Variants in ZNF20 observed in about 807,000 individuals in gnomAD.
The protein encoded by ZNF20 is zinc finger protein KOX13.
A neutral mutation model predicts 11.0 loss-of-function variants in ZNF20; 9 were observed. The ratio of observed to expected loss-of-function variants is 0.82; its 90% CI spans 0.49 to 1.43. The LOEUF is 1.43. Among genes scored for constraint, ZNF20 ranks in the 40% most tolerant of loss-of-function variants. The probability of loss-of-function intolerance (pLI) is 0.00; values close to 1 mark genes in which losing one functional copy is unlikely to be tolerated. For synonymous variants in ZNF20, 182 were observed against 213.0 expected (o/e 0.85, Z 1.27); for missense variants, 528 against 640.8 (o/e 0.82, Z 1.90).
Position 12,133,241 on chromosome 19 carries a change from CT to C in ZNF20, c.944del (p.Gln315ArgfsTer223). ...HTGEKPYECKQCGKAFRCGSH... is the reference protein window; with the variant it reads ...HTGEKPYECKXCGKAFRCGSH... ...AGCCACATCTAAAGGCTTTCCCACA[CT>C]GCTTACATTCATAGGGTTTCTCTCC... On this transcript the variant is annotated frameshift_variant, in exon 4 of 4. Transcript: ENST00000334213. LOFTEE classifies it low-confidence loss of function (END_TRUNC). 6.2e-7 allele frequency: 1 copy of C among 1,612,678 alleles called. No individual in the cohort carries two copies. Among genetic ancestry groups the C allele is most frequent in the Non-Finnish European group, 8.5e-7 (1 of 1,179,550 alleles).
rs1242567821 is a variant in ZNF20, at chr19:12,135,506, T to A, written c.194A>T (p.Asn65Ile). 6.2e-7 allele frequency: 1 copy of A among 1,613,524 alleles called. No homozygotes were observed. Among genetic ancestry groups the A allele is most frequent in the African/African-American group, 1.3e-5 (1 of 74,900 alleles). The change falls in exon 3 of 4, where the codon AAT becomes ATT. Residue 65 changes from asparagine (N) to isoleucine (I), a missense_variant. By Grantham distance (149) the Asn-to-Ile change is moderately radical. Transcript: ENST00000334213. ...IEDEYKNPRRNLSLMREKLCE... is the reference protein window; with the variant it reads ...IEDEYKNPRRILSLMREKLCE... ...TCTTGCGAGAGAAAATTACCTTAGA[T>A]TTCTCCTGGGATTTTTGTACTCATC... is the stretch of plus-strand genomic sequence containing the variant.
rs987449838 is a variant in ZNF20, at chr19:12,132,881, G to C, written c.1305C>G (p.Phe435Leu). ...CKQCGKAFRY[F>L]SSLHIHERTH... is the part of the protein sequence containing the mutation. The stretch of plus-strand genomic sequence containing the variant: ...TCCTTTCATGTATATGCAAGGAAGA[G>C]AAATACCTGAATGCTTTTCCACATT... The change falls in exon 4 of 4, where the codon TTC becomes TTG. Residue 435 changes from phenylalanine (F) to leucine (L), a missense_variant. Coordinates refer to ENST00000334213, the MANE Select transcript of ZNF20 (RefSeq NM_021143.4). 3 of 1,613,944 alleles carry C rather than the reference G, an allele frequency of 1.9e-6. No homozygotes were observed.
At chr19:12,138,812 TC>T (rs2145602593) in intron 1 of ZNF20, among the ~76,000 whole-genome samples, 1 of 151,642 alleles carries the variant, frequency 6.6e-6, no homozygotes, top group Non-Finnish European at 1.5e-5. Flanking sequence ...AGAGCGAAAC[TC>T]CGTCTCAAAA....
chr19:12,132,887 C>T lies in ZNF20; in HGVS notation c.1299G>A (p.Arg433=), dbSNP rs758947882. Residue 433 remains arginine, a synonymous_variant, in exon 4 of 4, where the codon AGG becomes AGA. Transcript: ENST00000334213. The part of the protein sequence containing the change: ...HECKQCGKAF[R]YFSSLHIHER... ...CATGTATATGCAAGGAAGAGAAATA[C>T]CTGAATGCTTTTCCACATTGCTTAC... 1.2e-6 allele frequency: 2 copies of T among 1,613,806 alleles called. No homozygotes were observed. The highest frequency in any genetic ancestry group is 1.1e-5 in the South Asian group (1 of 91,060).
chr19:12,133,309 TGAA>T lies in ZNF20; in HGVS notation c.874_876del (p.Phe292del), dbSNP rs1449137876. ...TGATACTGAATGGAACTGAAAGAAATGAAGACTTTCCCACATTGCTTACACTCA... is the reference window on the plus strand; with the variant it reads ...TGATACTGAATGGAACTGAAAGAAATGACTTTCCCACATTGCTTACACTCA... On this transcript the variant is annotated inframe_deletion, in exon 4 of 4. Transcript: ENST00000334213. 6.2e-7 allele frequency: 1 copy of T among 1,614,096 alleles called. No homozygotes were observed. Among genetic ancestry groups the T allele is most frequent in the Non-Finnish European group, 8.5e-7 (1 of 1,180,042 alleles).
chr19:12,135,082 T>G, intron 3 of ZNF20, among the ~76,000 whole-genome samples: 1 of 152,156 alleles, frequency 6.6e-6, no homozygotes, highest in Non-Finnish European at 1.5e-5. Flanking sequence ...GAAAACTTTC[T>G]ATGAATACAT....
At position 12,132,792 on chromosome 19, in the gene ZNF20, G is replaced by A. The variant is rs746073159; in HGVS notation, c.1394C>T (p.Ser465Phe). ...VCGKAFTCSS[S>F]IRYHERTHTG... is the part of the protein sequence containing the mutation. ...GTGAGTCCTTTCATGATATCGAATG[G>A]AACTGGAACAAGTGAAGGCTTTGCC... The change falls in exon 4 of 4, where the codon TCC becomes TTC. Residue 465 changes from serine (S) to phenylalanine (F), a missense_variant. Transcript: ENST00000334213. 2 of 1,612,578 alleles carry A rather than the reference G, an allele frequency of 1.2e-6. No homozygotes were observed. Among genetic ancestry groups the A allele is most frequent in the Admixed American group, 3.3e-5 (2 of 59,842 alleles).
intron 3 of ZNF20, among the ~76,000 whole-genome samples, 183 bp downstream of exon 3, chr19:12,135,317 T>G (rs1296260199): frequency 1.3e-5 from 2 of 152,134 alleles, no homozygotes; most frequent in East Asian, 1.9e-4. Context: ...TTTTTTTGTA[T>G]TTTTAGTAGA....
Position 12,133,462 on chromosome 19 carries a change from G to T in ZNF20, c.724C>A (p.Leu242Ile). Residue 242 changes from leucine (L) to isoleucine (I), a missense_variant, in exon 4 of 4, where the codon CTT (leucine) becomes ATT (isoleucine). By Grantham distance (5) the Leu-to-Ile change is conservative. Coordinates refer to ENST00000334213, the MANE Select transcript of ZNF20 (RefSeq NM_021143.4). ...GTGTGAGTTCTTTCATGTACTGGAAGGGTAGTGGAACGAGTAAAGGCCTTA... is the reference window on the plus strand; with the variant it reads ...GTGTGAGTTCTTTCATGTACTGGAATGGTAGTGGAACGAGTAAAGGCCTTA... Reference protein sequence around the residue: ...CGKAFTRSTTLPVHERTHTGV... With the variant: ...CGKAFTRSTTIPVHERTHTGV... 6.2e-7 allele frequency: 1 copy of T among 1,614,150 alleles called. No individual in the cohort carries two copies. The highest frequency in any genetic ancestry group is 1.3e-5 in the African/African-American group (1 of 75,060).
chr19:12,136,520 A>T (rs1435012309), intron 1 of ZNF20, among the ~76,000 whole-genome samples: 3 of 141,892 alleles, frequency 2.1e-5, no homozygotes, highest in East Asian at 2.0e-4. Context: ...TGTCTCTATT[A>T]AAAAAAAAAA....
intron 3 of ZNF20, 92 bp downstream of exon 3, chr19:12,135,408 G>A: frequency 7.5e-7 from 1 of 1,341,222 alleles, no homozygotes; most frequent in Non-Finnish European, 1.1e-6. Flanking sequence ...CCAAAGTGCT[G>A]GGATTACAGG....
rs1297490819 is a variant in ZNF20, at chr19:12,139,403, G to A, written c.3+777C>T. 6.6e-6 allele frequency among the ~76,000 whole-genome samples: 1 copy of A among 152,118 alleles called. No individual in the cohort carries two copies. Among genetic ancestry groups the A allele is most frequent in the Admixed American group, 6.6e-5 (1 of 15,262 alleles). ...GCGTTTTGTCCAATTCTTTGTTCAA[G>A]ACGCCAAGAACCTGGACCCCCTCCA... is the stretch of plus-strand genomic sequence containing the variant. On this transcript the variant is annotated intron_variant, in intron 1 of 3. Coordinates refer to ENST00000334213, the MANE Select transcript of ZNF20 (RefSeq NM_021143.4). The surrounding 1 kb of genome is among the most constrained non-coding windows in gnomAD (Gnocchi z 4.0).
chr19:12,140,159 A>T, intron 1 of ZNF20, 21 bp downstream of exon 1: 1 of 1,596,990 alleles, frequency 6.3e-7, no homozygotes, highest in Non-Finnish European at 8.5e-7. Context: ...CCGTCTGGGG[A>T]CTCCGGCCCC....
At position 12,133,400 on chromosome 19, in the gene ZNF20, A is replaced by G. The variant is rs1291689755; in HGVS notation, c.786T>C (p.Asn262=). 6.2e-7 allele frequency: 1 copy of G among 1,614,036 alleles called. No homozygotes were observed. Among genetic ancestry groups the G allele is most frequent in the Admixed American group, 1.7e-5 (1 of 60,012 alleles). The change falls in exon 4 of 4, where the codon AAT becomes AAC. Residue 262 remains asparagine (N), a synonymous_variant. Transcript: ENST00000334213. ...GAATTTCACTAGGAAAACTGAATGCATTCCCACATTCTTTACATTCATCGG... is the reference window on the plus strand; with the variant it reads ...GAATTTCACTAGGAAAACTGAATGCGTTCCCACATTCTTTACATTCATCGG... ...VNADECKECG[N]AFSFPSEIRR...
Position 12,133,537 on chromosome 19 carries a change from G to A in ZNF20, c.649C>T (p.His217Tyr). The A allele has an allele frequency of 6.2e-7, 1 of 1,614,150 alleles. No homozygotes were observed. The change falls in exon 4 of 4, where the codon CAT becomes TAT. Residue 217 changes from histidine to tyrosine, a missense_variant. By Grantham distance (83) the His-to-Tyr change is moderately conservative. Transcript: ENST00000334213. ...AFYFLNLCLI[H>Y]ERIHTGVKPY... ...TTCACACCAGTGTGAATTCGTTCAT[G>A]GATAAGACATAAATTGAGAAAATAG...
Position 12,132,895 on chromosome 19 carries a change from C to T in ZNF20, c.1291G>A (p.Ala431Thr). 6.2e-7 allele frequency: 1 copy of T among 1,614,198 alleles called. No homozygotes were observed. Among genetic ancestry groups the T allele is most frequent in the Non-Finnish European group, 8.5e-7 (1 of 1,180,022 alleles). ...KPHECKQCGK[A>T]FRYFSSLHIH... ...TGCAAGGAAGAGAAATACCTGAATG[C>T]TTTTCCACATTGCTTACATTCATGG... Residue 431 changes from alanine to threonine, a missense_variant, in exon 4 of 4, where the codon GCA becomes ACA. Transcript: ENST00000334213.
Position 12,133,296 on chromosome 19 carries a change from G to A in ZNF20, c.890C>T (p.Ser297Phe). Residue 297 changes from serine (S) to phenylalanine (F), a missense_variant, in exon 4 of 4, where the codon TCC (serine) becomes TTC (phenylalanine). Ser to Phe is a radical substitution (Grantham distance 155). Coordinates refer to ENST00000334213, the MANE Select transcript of ZNF20 (RefSeq NM_021143.4). ...QCGKVFISFS[S>F]IQYHKMTHTG... ...GTGAGTCATCTTATGATACTGAATGGAACTGAAAGAAATGAAGACTTTCCC... is the reference window on the plus strand; with the variant it reads ...GTGAGTCATCTTATGATACTGAATGAAACTGAAAGAAATGAAGACTTTCCC... The A allele has an allele frequency of 6.2e-7, 1 of 1,614,018 alleles. No homozygotes were observed. Among genetic ancestry groups the A allele is most frequent in the East Asian group, 2.2e-5 (1 of 44,868 alleles).
At chr19:12,138,224 A>C (rs1976742919) in intron 1 of ZNF20, among the ~76,000 whole-genome samples, 1 of 152,126 alleles carries the variant, frequency 6.6e-6, no homozygotes, top group Non-Finnish European at 1.5e-5. Context: ...AGGCTGAGGC[A>C]GGCAGATCAT....
chr19:12,139,996 G>C lies in ZNF20; in HGVS notation c.3+184C>G, dbSNP rs1284883229. Reference sequence around the variant, plus strand: ...CAGGAACAGAACAGGAGGACGCCCGGGGTCCCGGCTGCCGGCCCAGCCGCA... The same window carrying C: ...CAGGAACAGAACAGGAGGACGCCCGCGGTCCCGGCTGCCGGCCCAGCCGCA... On this transcript the variant is annotated intron_variant, in intron 1 of 3. Coordinates refer to ENST00000334213, the MANE Select transcript of ZNF20 (RefSeq NM_021143.4). The surrounding 1 kb of genome is among the most constrained non-coding windows in gnomAD (Gnocchi z 4.0). 3.9e-5 allele frequency among the ~76,000 whole-genome samples: 6 copies of C among 152,200 alleles called. No homozygotes were observed. Among genetic ancestry groups the C allele is most frequent in the African/African-American group, 1.4e-4 (6 of 41,464 alleles).
Sources: allele counts gnomAD v4.1 joint callset (sites outside exome capture counted in the v4.1 genomes callset), GRCh38; gene constraint gnomAD v4.1.1; non-coding constraint Gnocchi (gnomAD v3.1); transcripts MANE v1.5; gene names NCBI Gene and HGNC (gene_info 2026-07-23, HGNC 2026-07-21).